CNBD1: variants seen among roughly 807,000 people sequenced by gnomAD.
The protein encoded by CNBD1 is cyclic nucleotide-binding domain-containing protein 1.
A neutral mutation model predicts 54.4 loss-of-function variants in CNBD1; 71 were observed. The observed-to-expected ratio is 1.30, with a 90% confidence interval of 1.08 to 1.59. The LOEUF (loss-of-function observed/expected upper bound fraction) is 1.59. CNBD1 is among the 40% of genes most tolerant of loss of function. The pLI, the probability that CNBD1 is intolerant of heterozygous loss-of-function variation, is 0.00. For synonymous variants in CNBD1, 182 were observed against 170.7 expected (o/e 1.07, Z -0.51); for missense variants, 659 against 518.0 (o/e 1.27, Z -2.64).
chr8:86,927,812 C>A (rs1809388772), intron 3 of CNBD1, among the ~76,000 whole-genome samples: 1 of 152,110 alleles, frequency 6.6e-6, no homozygotes, highest in Admixed American at 6.6e-5. Context: ...TCAGGATAAG[C>A]TGTAGGAGCC....
chr8:86,884,116 C>T (rs968415172), intron 1 of CNBD1, among the ~76,000 whole-genome samples: 31 of 151,430 alleles, frequency 2.0e-4, no homozygotes, highest in Middle Eastern at 3.5e-3. Context: ...CCCGCCACTG[C>T]ACTCCAGCCT....
intron 8 of CNBD1, among the ~76,000 whole-genome samples, chr8:87,310,550 A>G (rs917288896): frequency 6.6e-6 from 1 of 152,130 alleles, no homozygotes. Context: ...TAAAATGGCC[A>G]TATTGCCCAA....
intron 8 of CNBD1, among the ~76,000 whole-genome samples, chr8:87,326,212 C>T (rs1190123368): frequency 8.1e-6 from 1 of 123,648 alleles, no homozygotes; most frequent in African/African-American, 3.0e-5. Flanking sequence ...GGTAACCCGA[C>T]CTTTCTCTCT....
At chr8:87,005,567 G>A (rs554810705) in intron 4 of CNBD1, among the ~76,000 whole-genome samples, 82 of 151,720 alleles carry the variant, frequency 5.4e-4, no homozygotes, top group African/African-American at 1.9e-3. Flanking sequence ...ACTTCTGCTT[G>A]CCTATTTATT....
chr8:87,054,621 G>A (rs763850366), intron 4 of CNBD1, among the ~76,000 whole-genome samples: 29 of 152,288 alleles, frequency 1.9e-4, no homozygotes, highest in Non-Finnish European at 2.6e-4. Context: ...CATGATAGCC[G>A]CAAAACGAAA....
At chr8:87,382,567 C>A (rs1258799367) in intron 10 of CNBD1, 53 bp from the exon 11 acceptor site, 2 of 1,460,628 alleles carry the variant, frequency 1.4e-6, no homozygotes, top group Admixed American at 2.0e-5. Context: ...AAATAATTAC[C>A]AAAAATGAGT....
chr8:87,310,053 C>G (rs182036482), intron 8 of CNBD1, among the ~76,000 whole-genome samples: 3 of 152,068 alleles, frequency 2.0e-5, no homozygotes, highest in East Asian at 3.9e-4. Context: ...AGCTGAGAAC[C>G]AAATCAAGAA....
At chr8:86,980,913 T>G (rs1808472360) in intron 4 of CNBD1, among the ~76,000 whole-genome samples, 1 of 152,186 alleles carries the variant, frequency 6.6e-6, no homozygotes, top group Non-Finnish European at 1.5e-5. Flanking sequence ...CACTGCTTCT[T>G]AAATAATAGT....
chr8:87,189,411 C>G (rs1813551397), intron 4 of CNBD1, among the ~76,000 whole-genome samples: 1 of 152,040 alleles, frequency 6.6e-6, no homozygotes, highest in Non-Finnish European at 1.5e-5. Context: ...AGTTGGCAGA[C>G]AAGCCTATTA....
At chr8:86,982,997 C>A (rs1192541535) in intron 4 of CNBD1, among the ~76,000 whole-genome samples, 1 of 152,050 alleles carries the variant, frequency 6.6e-6, no homozygotes, top group Admixed American at 6.6e-5. Context: ...GTAATTTTGA[C>A]ATTTATTTTA....
At chr8:87,303,133 CTACTT>C (rs1317889791) in intron 8 of CNBD1, among the ~76,000 whole-genome samples, 2 of 152,032 alleles carry the variant, frequency 1.3e-5, no homozygotes, top group Admixed American at 1.3e-4. Flanking sequence ...TTGGAAAAAA[CTACTT>C]TAAAGTTCAT....
At chr8:87,334,272 T>A (rs1051314124) in intron 8 of CNBD1, among the ~76,000 whole-genome samples, 1 of 152,076 alleles carries the variant, frequency 6.6e-6, no homozygotes, top group Non-Finnish European at 1.5e-5. Context: ...CTTCTCTCTT[T>A]TCTTCTTTAT....
intron 4 of CNBD1, among the ~76,000 whole-genome samples, chr8:87,073,086 T>G (rs1460287089): frequency 2.0e-5 from 3 of 151,968 alleles, no homozygotes; most frequent in African/African-American, 7.3e-5. Context: ...TGCGATTCCT[T>G]CCTCTGCTTG....
intron 6 of CNBD1, among the ~76,000 whole-genome samples, chr8:87,259,383 T>C (rs1352142411): frequency 6.6e-6 from 1 of 152,188 alleles, no homozygotes; most frequent in Non-Finnish European, 1.5e-5. Context: ...TTTTCAAAAG[T>C]TAAAGCAGTT....
chr8:86,978,314 C>G (rs1808388748), intron 4 of CNBD1, among the ~76,000 whole-genome samples: 1 of 152,042 alleles, frequency 6.6e-6, no homozygotes, highest in South Asian at 2.1e-4. Flanking sequence ...ATTGAGAAAA[C>G]AACAACAATA....
chr8:87,378,469 T>C (rs1018534295), intron 10 of CNBD1, among the ~76,000 whole-genome samples: 2 of 151,144 alleles, frequency 1.3e-5, no homozygotes, highest in Non-Finnish European at 2.9e-5. Context: ...GTTGTAGATA[T>C]GTGGCATTAT....
intron 10 of CNBD1, among the ~76,000 whole-genome samples, chr8:87,367,004 TC>T (rs1249797498): frequency 9.9e-5 from 15 of 152,038 alleles, no homozygotes; most frequent in Admixed American, 9.9e-4. Flanking sequence ...TACATTTTCC[TC>T]CCTGGGAATC....
intron 1 of CNBD1, among the ~76,000 whole-genome samples, chr8:86,886,704 A>G (rs1259330802): frequency 6.6e-6 from 1 of 152,204 alleles, no homozygotes; most frequent in African/African-American, 2.4e-5. Flanking sequence ...CAATGAATGC[A>G]CTTTTTAACG....
chr8:87,241,199 T>C (rs1371574479), intron 6 of CNBD1, among the ~76,000 whole-genome samples: 1 of 151,862 alleles, frequency 6.6e-6, no homozygotes, highest in Non-Finnish European at 1.5e-5. Context: ...TTTGAGACAG[T>C]AGTTGAAATT....
Sources: allele counts gnomAD v4.1 joint callset (sites outside exome capture counted in the v4.1 genomes callset), GRCh38; gene constraint gnomAD v4.1.1; transcripts MANE v1.5; gene names NCBI Gene and HGNC (gene_info 2026-07-23, HGNC 2026-07-21).